TTC16: variants seen among roughly 807,000 people sequenced by gnomAD.
The protein encoded by TTC16 is tetratricopeptide repeat domain 16.
In TTC16, 66 loss-of-function variants were observed where a neutral mutation model predicts 80.4. That is an observed-to-expected ratio of 0.82 (90% CI 0.67 to 1.01). The LOEUF is 1.01. Among genes scored for constraint, TTC16 ranks in the 50% least tolerant of loss-of-function variants. The probability of loss-of-function intolerance (pLI) is 0.00; values close to 1 mark genes in which losing one functional copy is unlikely to be tolerated. For synonymous variants in TTC16, 438 were observed against 451.3 expected (o/e 0.97, Z 0.37); for missense variants, 1,070 against 1,103.2 (o/e 0.97, Z 0.43).
Position 127,718,185 on chromosome 9 carries a change from T to C in TTC16, c.426+413T>C, listed in dbSNP as rs1175304355. On this transcript the variant is annotated intron_variant, in intron 4 of 13. Transcript: ENST00000373289. The surrounding 1 kb of genome is among the most constrained non-coding windows in gnomAD (Gnocchi z 4.6). ...TCACTGCAACCTCTGTCTCTTGGAT[T>C]CAAGCAATTCTCCTGCCTCAGCCTC... Among the ~76,000 whole-genome samples the C allele has an allele frequency of 1.3e-5, 2 of 152,104 alleles. No individual in the cohort carries two copies. Among genetic ancestry groups the C allele is most frequent in the African/African-American group, 4.8e-5 (2 of 41,426 alleles).
rs1349231413 is a variant in TTC16, at chr9:127,724,253, G to GACTTTGCC, written c.1007_1014dup (p.Val339ThrfsTer19). On this transcript the variant is annotated frameshift_variant, in exon 8 of 14. Coordinates refer to ENST00000373289, the MANE Select transcript of TTC16 (RefSeq NM_144965.3). LOFTEE classifies it high-confidence loss of function. The stretch of plus-strand genomic sequence containing the variant: ...GCGCCAGCTGTTGCTGACCTACAAC[G>GACTTTGCC]ACTTTGCCGTGCACTGCTACAGGCA... 2 of 1,613,096 alleles carry GACTTTGCC rather than the reference G, an allele frequency of 1.2e-6. No individual in the cohort carries two copies. Among genetic ancestry groups the GACTTTGCC allele is most frequent in the East Asian group, 4.5e-5 (2 of 44,884 alleles).
chr9:127,730,013 G>T lies in TTC16; in HGVS notation c.1852+345G>T, dbSNP rs1055268387. The T allele has an allele frequency of 5.9e-5, 17 of 289,544 alleles. No homozygotes were observed. In the South Asian group the frequency reaches 7.4e-4, roughly 13 times the overall value. The allele number at this position is 289,544 out of a possible 1,614,324, so 17.9% of individuals were successfully genotyped here. ...GACAGAAGTGAAGAATGGGGAGGCT[G>T]CTCCTCAGAGGCCCCAAGGCGGGTG... On this transcript the variant is annotated intron_variant, in intron 13 of 13. Transcript: ENST00000373289.
intron 1 of TTC16, chr9:127,716,523 G>C: frequency 1.9e-6 from 1 of 535,862 alleles, no homozygotes; most frequent in Non-Finnish European, 3.4e-6. Context: ...GCCTGAGCTG[G>C]AGACATCAAA....
Position 127,730,708 on chromosome 9 carries a change from C to T in TTC16, c.1925C>T (p.Ala642Val). 6.2e-7 allele frequency: 1 copy of T among 1,613,478 alleles called. No individual in the cohort carries two copies. Among genetic ancestry groups the T allele is most frequent in the Non-Finnish European group, 8.5e-7 (1 of 1,180,046 alleles). The change falls in exon 14 of 14, where the codon GCC becomes GTC. Residue 642 changes from alanine to valine, a missense_variant. By Grantham distance (64) the Ala-to-Val change is moderately conservative. Coordinates refer to ENST00000373289, the MANE Select transcript of TTC16 (RefSeq NM_144965.3). Reference protein sequence around the residue: ...CQEYRSTSATAVTFSDSSLLK... With the variant: ...CQEYRSTSATVVTFSDSSLLK... ...GAATACAGGAGCACCTCAGCCACCGCCGTGACATTCTCTGACTCGTCACTG... is the reference window on the plus strand; with the variant it reads ...GAATACAGGAGCACCTCAGCCACCGTCGTGACATTCTCTGACTCGTCACTG...
intron 8 of TTC16, 114 bp downstream of exon 8, chr9:127,724,478 G>A: frequency 7.3e-7 from 1 of 1,365,610 alleles, no homozygotes. Context: ...AGAGAGGAAG[G>A]AAGCAAGGGA....
At position 127,726,291 on chromosome 9, in the gene TTC16, C is replaced by T. The variant is rs770745688; in HGVS notation, c.1312C>T (p.Gln438Ter). 2.5e-6 allele frequency: 4 copies of T among 1,609,320 alleles called. No individual in the cohort carries two copies. Among genetic ancestry groups the T allele is most frequent in the South Asian group, 1.1e-5 (1 of 90,786 alleles). The change falls in exon 10 of 14, where the codon CAG (glutamine) becomes TAG (stop). Residue 438 changes from glutamine to a stop codon, truncating the protein, a stop_gained. Coordinates refer to ENST00000373289, the MANE Select transcript of TTC16 (RefSeq NM_144965.3). LOFTEE classifies it high-confidence loss of function. ...HFSTAIRHNP[Q>*]KAQYYLYRAK... ...CTCCACGGCCATCCGGCACAACCCC[C>T]AGAAGGCCCAGTACTACCTGTACCG...
rs751396167 is a variant in TTC16, at chr9:127,717,648, G to C, written c.302G>C (p.Arg101Pro). Residue 101 changes from arginine (R) to proline (P), a missense_variant, in exon 4 of 14, where the codon CGG (arginine) becomes CCG (proline). Arg to Pro is a moderately radical substitution (Grantham distance 103). Coordinates refer to ENST00000373289, the MANE Select transcript of TTC16 (RefSeq NM_144965.3). ...DPQLVDFYAL[R>P]AEAYLQLCDF... ...CCTCAGGTGGACTTCTATGCCTTAC[G>C]GGCTGAGGCCTACCTCCAGCTCTGT... 12 of 1,613,988 alleles carry C rather than the reference G, an allele frequency of 7.4e-6. No individual in the cohort carries two copies. Among genetic ancestry groups the C allele is most frequent in the Non-Finnish European group, 8.5e-6 (10 of 1,179,984 alleles).
chr9:127,723,295 C>G lies in TTC16; in HGVS notation c.834C>G (p.Ile278Met), dbSNP rs138086806. The change falls in exon 7 of 14, where the codon ATC becomes ATG. Residue 278 changes from isoleucine (I) to methionine (M), a missense_variant. Physicochemically the swap from Ile to Met is conservative, Grantham distance 10. Transcript: ENST00000373289. ...CACTGCAGCGGATCAACCGTGCCATCGAGAACAACCCTCTGGACCCCAGTC... is the reference window on the plus strand; with the variant it reads ...CACTGCAGCGGATCAACCGTGCCATGGAGAACAACCCTCTGGACCCCAGTC... ...QHALQRINRA[I>M]ENNPLDPSLF... 6 of 1,612,962 alleles carry G rather than the reference C, an allele frequency of 3.7e-6. No individual in the cohort carries two copies. The East Asian group carries it at 1.1e-4, about 30-fold the overall frequency.
chr9:127,721,825 C>T (rs1843537008), intron 6 of TTC16, among the ~76,000 whole-genome samples: 3 of 152,122 alleles, frequency 2.0e-5, no homozygotes, highest in Admixed American at 2.0e-4. Context: ...GCCTCAGCCT[C>T]CTGAGTAGCT....
intron 7 of TTC16, 58 bp from the exon 8 acceptor site, chr9:127,724,062 G>A (rs772241940): frequency 8.8e-5 from 130 of 1,481,358 alleles, no homozygotes; most frequent in African/African-American, 2.7e-4. Context: ...CTAGCCAGTC[G>A]GTGGGGGTGC....
At chr9:127,717,190 C>T (rs1180832097) in intron 2 of TTC16, 144 bp from the exon 3 acceptor site, 1 of 1,181,162 alleles carries the variant, frequency 8.5e-7, no homozygotes, top group Non-Finnish European at 1.2e-6. Flanking sequence ...CCAGGAACAC[C>T]AGCCTGCCCT....
rs1344743684 is a variant in TTC16, at chr9:127,724,778, C to T, written c.1140C>T (p.Asn380=). The part of the protein sequence containing the change: ...NRGDCFFQLG[N]LAFAEADYQQ... Reference sequence around the variant, plus strand: ...TAGATTGCTTCTTCCAGCTGGGCAACCTGGCCTTTGCCGAGGCGGACTACC... The same window carrying T: ...TAGATTGCTTCTTCCAGCTGGGCAATCTGGCCTTTGCCGAGGCGGACTACC... The change falls in exon 9 of 14, where the codon AAC becomes AAT. Residue 380 remains asparagine (N), a synonymous_variant. Coordinates refer to ENST00000373289, the MANE Select transcript of TTC16 (RefSeq NM_144965.3). 6.2e-7 allele frequency: 1 copy of T among 1,610,740 alleles called. No homozygotes were observed. The highest frequency in any genetic ancestry group is 1.1e-5 in the South Asian group (1 of 90,690).
chr9:127,723,675 CG>C, intron 7 of TTC16, among the ~76,000 whole-genome samples: 1 of 152,290 alleles, frequency 6.6e-6, no homozygotes, highest in South Asian at 2.1e-4. Flanking sequence ...GAGGGAGTGC[CG>C]CTGCCCTGGC....
chr9:127,724,439 T>C, intron 8 of TTC16, 75 bp downstream of exon 8: 1 of 1,560,802 alleles, frequency 6.4e-7, no homozygotes, highest in Non-Finnish European at 8.7e-7. Flanking sequence ...CACTGGGCAC[T>C]TGAGGCCCCT....
chr9:127,720,351 G>T lies in TTC16; in HGVS notation c.613G>T (p.Asp205Tyr). 1 of 1,612,532 alleles carries T rather than the reference G, an allele frequency of 6.2e-7. No homozygotes were observed. The highest frequency in any genetic ancestry group is 8.5e-7 in the Non-Finnish European group (1 of 1,179,542). ...GCTGAAGCAGGACACCACCAACGCC[G>T]ATGTCTACATCTTCCGGGCCAGACT... ...NELKQDTTNADVYIFRARLYN... is the reference protein window; with the variant it reads ...NELKQDTTNAYVYIFRARLYN... Residue 205 changes from aspartate to tyrosine, a missense_variant, in exon 6 of 14, where the codon GAT (aspartate) becomes TAT (tyrosine). By Grantham distance (160) the Asp-to-Tyr change is radical (BLOSUM62 -3). Transcript: ENST00000373289.
rs35761147 is a variant in TTC16 at position 127,724,106 on chromosome 9, G to GC, written c.873-6dup. 0.54 allele frequency: 846,523 copies of GC among 1,565,088 alleles called. 226,677 individuals are homozygous for GC. The highest frequency in any genetic ancestry group is 0.61 in the Middle Eastern group (3,433 of 5,606). On this transcript the variant is annotated splice_polypyrimidine_tract_variant and intron_variant, in intron 7 of 13. Coordinates refer to ENST00000373289, the MANE Select transcript of TTC16 (RefSeq NM_144965.3). Reference sequence around the variant, plus strand: ...TCATGTCCCTCCTGCCGTCTCCCACGCCCCCCCCGACAGGGGCACCATGTA... The same window carrying GC: ...TCATGTCCCTCCTGCCGTCTCCCACGCCCCCCCCCGACAGGGGCACCATGTA...
chr9:127,716,783 T>C, intron 1 of TTC16, 61 bp from the exon 2 acceptor site: 1 of 1,546,410 alleles, frequency 6.5e-7, no homozygotes, highest in Non-Finnish European at 8.8e-7. Context: ...TGCTGGGGAG[T>C]GTGTCAGTGG....
At chr9:127,720,880 T>TA (rs1843434695) in intron 6 of TTC16, among the ~76,000 whole-genome samples, 1 of 3,344 alleles carries the variant, frequency 3.0e-4, no homozygotes, top group African/African-American at 1.5e-3. Context: ...TCCCTCCCCC[T>TA]TCCCCTTCCT....
chr9:127,717,286 G>A (rs771166106), intron 2 of TTC16, 48 bp from the exon 3 acceptor site: 1 of 1,576,896 alleles, frequency 6.3e-7, no homozygotes, highest in African/African-American at 1.3e-5. Context: ...GCCCTGGGCT[G>A]GTCCACAGTC....
Sources: gnomAD v4.1 joint callset for allele counts (sites outside exome capture counted in the v4.1 genomes callset) on GRCh38, gnomAD v4.1.1 for gene constraint, Gnocchi (gnomAD v3.1) non-coding constraint, MANE v1.5 for transcripts, NCBI Gene and HGNC (gene_info 2026-07-23, HGNC 2026-07-21) for gene names.